The following RGS3 variants were observed in gnomAD, a reference collection of about 807,000 sequenced individuals.
RGS3 encodes regulator of G protein signaling 3, also known as regulator of G-protein signalling 3.
RGS3 carries 80 observed loss-of-function variants against 132.6 expected under a neutral mutation model. The ratio of observed to expected loss-of-function variants is 0.60; its 90% CI spans 0.50 to 0.73. The LOEUF is 0.73. RGS3 is among the 30% of genes least tolerant of loss of function. The pLI is 0.00. For synonymous variants in RGS3, 598 were observed against 620.6 expected (o/e 0.96, Z 0.54); for missense variants, 1,382 against 1,530.8 (o/e 0.90, Z 1.62).
rs59669332 is a variant in RGS3 at position 113,555,472 on chromosome 9, A to ATT, written c.2037+18565_2037+18566dup. Among the ~76,000 whole-genome samples, 1,030 of 146,372 alleles carry ATT rather than the reference A, an allele frequency of 7.0e-3. 21 individuals carry two copies. The highest frequency in any genetic ancestry group is 0.025 in the African/African-American group (994 of 40,060). On this transcript the variant is annotated intron_variant, in intron 19 of 24. Coordinates refer to ENST00000350696, the Ensembl canonical transcript of RGS3. The stretch of plus-strand genomic sequence containing the variant: ...GGAATTTCGGTTTCCGGTTGTGACT[A>ATT]TTTTTTTTTTTTAAAGACAGAGTCT...
At position 113,463,832 on chromosome 9, in the gene RGS3, C is replaced by A; in HGVS notation, c.415+1631C>A. ...AGCGCTCCCTGCACCGCGTCTCCCTCGGGAGCCGGCGTGCCCACCCGGACT... is the reference window on the plus strand; with the variant it reads ...AGCGCTCCCTGCACCGCGTCTCCCTAGGGAGCCGGCGTGCCCACCCGGACT... On this transcript the variant is annotated intron_variant, in intron 3 of 24. Coordinates refer to ENST00000350696, the Ensembl canonical transcript of RGS3. The surrounding 1 kb of genome is among the most constrained non-coding windows in gnomAD (Gnocchi z 4.6). 6.2e-7 allele frequency: 1 copy of A among 1,612,986 alleles called. No individual in the cohort carries two copies. Among genetic ancestry groups the A allele is most frequent in the Non-Finnish European group, 8.5e-7 (1 of 1,179,780 alleles).
chr9:113,445,323 A>G (rs1481160504), intron 1 of RGS3, among the ~76,000 whole-genome samples: 1 of 150,766 alleles, frequency 6.6e-6, no homozygotes, highest in Admixed American at 6.6e-5. Context: ...TCAGCCTCCC[A>G]TGTAGCTGGG....
Position 113,591,193 on chromosome 9 carries a change from C to G in RGS3, c.3016-140C>G, listed in dbSNP as rs1302306659. The G allele has an allele frequency of 7.1e-6, 5 of 700,704 alleles. No homozygotes were observed. Among genetic ancestry groups the G allele is most frequent in the Non-Finnish European group, 1.2e-5 (5 of 408,490 alleles). The allele number at this position is 700,704 out of a possible 1,614,324, so 43.4% of individuals were successfully genotyped here. ...CTGTTCCCAGCAGTGGGGTTTCCCT[C>G]CCTCACCTGTGTGCCGCGGGTGGGG... On this transcript the variant is annotated intron_variant, in intron 20 of 24. Coordinates refer to ENST00000350696, the Ensembl canonical transcript of RGS3. The surrounding 1 kb of genome is among the most constrained non-coding windows in gnomAD (Gnocchi z 4.4).
intron 11 of RGS3, 62 bp downstream of exon 9, chr9:113,505,585 C>T: frequency 1.5e-6 from 2 of 1,370,040 alleles, no homozygotes; most frequent in Non-Finnish European, 2.1e-6. Flanking sequence ...GCTTTGCAAA[C>T]ATAGTCTGGA....
At chr9:113,465,811 C>T (rs978150574) in intron 3 of RGS3, among the ~76,000 whole-genome samples, 3 of 152,120 alleles carry the variant, frequency 2.0e-5, no homozygotes, top group Admixed American at 6.5e-5. Flanking sequence ...TGCTCTTATT[C>T]GTGCAGGCTC....
At chr9:113,541,151 T>G (rs1832884796) in intron 19 of RGS3, among the ~76,000 whole-genome samples, 1 of 152,186 alleles carries the variant, frequency 6.6e-6, no homozygotes, top group Admixed American at 6.5e-5. Context: ...CTCCCAGATG[T>G]GACGGTGAGG....
chr9:113,591,253 G>T lies in RGS3; in HGVS notation c.3016-80G>T, dbSNP rs1469536931. On this transcript the variant is annotated intron_variant, in intron 20 of 24. Transcript: ENST00000350696. The surrounding 1 kb of genome is among the most constrained non-coding windows in gnomAD (Gnocchi z 4.4). ...ATGGAAGGGGCTGGTGGCAGGGAAT[G>T]TTGGGTCTCTGAGCCTCTGTTTACT... The T allele has an allele frequency of 2.3e-6, 3 of 1,300,898 alleles. No homozygotes were observed. Among genetic ancestry groups the T allele is most frequent in the South Asian group, 2.5e-5 (2 of 81,196 alleles). The allele number at this position is 1,300,898 out of a possible 1,614,324, so 80.6% of individuals were successfully genotyped here.
chr9:113,597,364 CA>C lies in RGS3; in HGVS notation c.*412del, dbSNP rs1490319106. 1.9e-5 allele frequency: 3 copies of C among 161,414 alleles called. No individual in the cohort carries two copies. In the Admixed American group the frequency reaches 1.9e-4, roughly 10 times the overall value. The allele number at this position is 161,414 out of a possible 1,614,324, so 10.0% of individuals were successfully genotyped here. A position where few individuals can be genotyped will look rare whatever the true frequency, so the allele number is the denominator to read the frequency against. On this transcript the variant is annotated 3_prime_UTR_variant, in exon 25 of 25. Transcript: ENST00000350696. ...CATTGGAGCTTGCAGCTCAGACCCC[CA>C]CTTTGAGTTTTATTTATTTAAATAG...
At chr9:113,481,447 G>A (rs1338635337) in intron 4 of RGS3, among the ~76,000 whole-genome samples, 1 of 152,254 alleles carries the variant, frequency 6.6e-6, no homozygotes, top group Non-Finnish European at 1.5e-5. Context: ...ATACTGGGCA[G>A]AGTAGACTAG....
At chr9:113,526,842 T>C (rs1564528819) in intron 17 of RGS3, among the ~76,000 whole-genome samples, 2 of 152,184 alleles carry the variant, frequency 1.3e-5, no homozygotes, top group African/African-American at 2.4e-5. Context: ...TTGGAATGTT[T>C]AAAGGAAAAC....
At chr9:113,578,583 C>T (rs1380471816) in intron 19 of RGS3, among the ~76,000 whole-genome samples, 2 of 151,988 alleles carry the variant, frequency 1.3e-5, no homozygotes, top group African/African-American at 4.8e-5. Flanking sequence ...GGAGGAAGGA[C>T]TGGGGGTGTC....
intron 15 of RGS3, among the ~76,000 whole-genome samples, chr9:113,515,816 A>T (rs1162948753): frequency 6.6e-6 from 1 of 152,082 alleles, no homozygotes; most frequent in East Asian, 1.9e-4. Context: ...TTCCCACACC[A>T]CTAAATGCTC....
intron 19 of RGS3, chr9:113,580,905 C>T (rs1055820137): frequency 1.6e-5 from 16 of 985,508 alleles, no homozygotes; most frequent in Non-Finnish European, 1.7e-5. Context: ...AGGGGAAATG[C>T]GGCCCGCTCC....
chr9:113,545,547 C>T (rs1588230880), intron 19 of RGS3, among the ~76,000 whole-genome samples: 3 of 152,196 alleles, frequency 2.0e-5, no homozygotes, highest in South Asian at 4.1e-4. Context: ...TGCTCTTGGT[C>T]TCAGCCATCT....
intron 16 of RGS3, among the ~76,000 whole-genome samples, chr9:113,520,572 C>G (rs990022323): frequency 8.3e-6 from 1 of 120,886 alleles, no homozygotes; most frequent in Non-Finnish European, 1.7e-5. Flanking sequence ...TTTAAACTTT[C>G]TAGGCTCCTG....
intron 19 of RGS3, among the ~76,000 whole-genome samples, chr9:113,553,639 C>T (rs976476508): frequency 8.1e-4 from 122 of 150,948 alleles, no homozygotes; most frequent in African/African-American, 2.9e-3. Context: ...GTCAGGAGTT[C>T]GAGACCAGCC....
At chr9:113,563,145 T>C (rs1293833123) in intron 19 of RGS3, among the ~76,000 whole-genome samples, 1 of 152,244 alleles carries the variant, frequency 6.6e-6, no homozygotes, top group Non-Finnish European at 1.5e-5. Context: ...AGAGCATTGA[T>C]GAATGTATTC....
chr9:113,569,911 G>A (rs1292192884), intron 19 of RGS3, among the ~76,000 whole-genome samples: 1 of 151,972 alleles, frequency 6.6e-6, no homozygotes, highest in Non-Finnish European at 1.5e-5. Context: ...CTTGCCCATT[G>A]AAGAGCAGGT....
intron 19 of RGS3, among the ~76,000 whole-genome samples, chr9:113,545,385 A>G (rs1197013607): frequency 6.6e-6 from 1 of 152,196 alleles, no homozygotes; most frequent in African/African-American, 2.4e-5. Flanking sequence ...CTCAGCCCTG[A>G]ATAAAGGGGA....
Sources: allele counts gnomAD v4.1 joint callset (sites outside exome capture counted in the v4.1 genomes callset), GRCh38; gene constraint gnomAD v4.1.1; non-coding constraint Gnocchi (gnomAD v3.1); transcripts MANE v1.5; gene names NCBI Gene and HGNC (gene_info 2026-07-23, HGNC 2026-07-21).